CFAP46: variants seen among roughly 807,000 people sequenced by gnomAD.
The protein encoded by CFAP46 is cilia and flagella associated protein 46.
Under a neutral mutation model 325.7 loss-of-function variants are expected in CFAP46, and 245 were observed. The ratio of observed to expected loss-of-function variants is 0.75; its 90% confidence interval spans 0.68 to 0.84. CFAP46 has a LOEUF of 0.84. CFAP46 is among the 40% of genes least tolerant of loss of function. The pLI, the probability that CFAP46 is intolerant of heterozygous loss-of-function variation, is 0.00. For missense variants in CFAP46, 3,346 were observed against 3,543.0 expected, an observed-to-expected ratio of 0.94 and a Z score of 1.41; for synonymous variants, 1,523 against 1,495.9, an observed-to-expected ratio of 1.02 and a Z score of -0.42.
chr10:132,837,018 G>A (rs1362212669), intron 44 of CFAP46, 104 bp from the exon 45 acceptor site: 1 of 912,216 alleles, frequency 1.1e-6, no homozygotes, highest in East Asian at 2.5e-5. Context: ...GCCACGGCGG[G>A]GGCTTTGTAC....
At chr10:132,940,490 C>A (rs557215166) in intron 4 of CFAP46, among the ~76,000 whole-genome samples, 29 of 152,302 alleles carry the variant, frequency 1.9e-4, no homozygotes, top group Non-Finnish European at 3.2e-4. Context: ...CGCTAGGGAG[C>A]AGCAAAGGCA....
Position 132,869,329 on chromosome 10 carries a change from C to A in CFAP46, c.4555G>T (p.Ala1519Ser). 3 of 1,538,480 alleles carry A rather than the reference C, an allele frequency of 1.9e-6. No individual in the cohort carries two copies. Among genetic ancestry groups the A allele is most frequent in the Middle Eastern group, 1.8e-4 (1 of 5,670 alleles). The change falls in exon 33 of 58, where the codon GCG (alanine) becomes TCG (serine). Residue 1519 changes from alanine to serine, a missense_variant. By Grantham distance (99) the Ala-to-Ser change is moderately conservative (BLOSUM62 1). Transcript: ENST00000368586. The surrounding 1 kb of genome is among the most constrained non-coding windows in gnomAD (Gnocchi z 6.2). Reference protein sequence around the residue: ...CSELKLREAAARHEEAVGQVC... With the variant: ...CSELKLREAASRHEEAVGQVC... ...TGCCCGACCGCCTCTTCATGGCGCG[C>A]GGCTGCTTCTCTCAGCTTCAGCTCG... is the stretch of plus-strand genomic sequence containing the variant.
rs1218917683 is a variant in CFAP46, at chr10:132,869,038, G to A, written c.4610+236C>T. Among the ~76,000 whole-genome samples the A allele has an allele frequency of 6.6e-6, 1 of 152,180 alleles. No individual in the cohort carries two copies. Among genetic ancestry groups the A allele is most frequent in the Non-Finnish European group, 1.5e-5 (1 of 68,026 alleles). On this transcript the variant is annotated intron_variant, in intron 33 of 57. Coordinates refer to ENST00000368586, the MANE Select transcript of CFAP46 (RefSeq NM_001200049.3). The surrounding 1 kb of genome is among the most constrained non-coding windows in gnomAD (Gnocchi z 6.2). ...CTTTCTGTCCTCCGGGGAGGGGCTC[G>A]GGCCACCCTGGAGAGCCCCCCTCAC...
chr10:132,904,242 C>G (rs905126502), intron 22 of CFAP46, among the ~76,000 whole-genome samples: 2 of 152,246 alleles, frequency 1.3e-5, no homozygotes, highest in Non-Finnish European at 2.9e-5. Context: ...GCCTGTGGCT[C>G]TGACAGTGAC....
At position 132,869,260 on chromosome 10, in the gene CFAP46, G is replaced by A. The variant is rs1260800939; in HGVS notation, c.4610+14C>T. ...ACTCAAACCCCAGGCGGCGCAGGGTGGGACGGCACACACCTGGCCTGCTCC... is the reference window on the plus strand; with the variant it reads ...ACTCAAACCCCAGGCGGCGCAGGGTAGGACGGCACACACCTGGCCTGCTCC... On this transcript the variant is annotated intron_variant, in intron 33 of 57. Coordinates refer to ENST00000368586, the MANE Select transcript of CFAP46 (RefSeq NM_001200049.3). The surrounding 1 kb of genome is among the most constrained non-coding windows in gnomAD (Gnocchi z 6.2). The A allele has an allele frequency of 1.2e-5, 18 of 1,516,042 alleles. No homozygotes were observed. The highest frequency in any genetic ancestry group is 1.6e-5 in the Non-Finnish European group (18 of 1,128,700). 93.9% of individuals were successfully genotyped at this position (1,516,042 alleles called of 1,614,324 possible). A position where few individuals can be genotyped will look rare whatever the true frequency, so the allele number is the denominator to read the frequency against.
chr10:132,834,529 G>A, intron 48 of CFAP46, 125 bp downstream of exon 48: 10 of 1,356,430 alleles, frequency 7.4e-6, no homozygotes, highest in Non-Finnish European at 9.9e-6. Context: ...CAGGCAGGCG[G>A]CGCCGAGTCC....
intron 55 of CFAP46, among the ~76,000 whole-genome samples, chr10:132,811,672 G>A (rs1339406972): frequency 6.6e-6 from 1 of 152,234 alleles, no homozygotes; most frequent in Non-Finnish European, 1.5e-5. Flanking sequence ...GGCTGCTGGG[G>A]AGTTGGGGGA....
chr10:132,853,127 G>A (rs1182920883), intron 39 of CFAP46, among the ~76,000 whole-genome samples: 4 of 152,100 alleles, frequency 2.6e-5, no homozygotes, highest in South Asian at 2.1e-4. Context: ...CCTCGTCTTC[G>A]TCCTTATCGA....
Position 132,879,526 on chromosome 10 carries a change from G to A in CFAP46, c.3905C>T (p.Ala1302Val), listed in dbSNP as rs1467828867. The A allele has an allele frequency of 1.9e-6, 3 of 1,547,248 alleles. No individual in the cohort carries two copies. In the South Asian group the frequency reaches 3.6e-5, roughly 18 times the overall value. The stretch of plus-strand genomic sequence containing the variant: ...CAGGGCCAGCAGGATGTGCACGCGG[G>A]CCAGCGCCTCCAGCTGCCGCACGCT... ...LRSVRQLEAL[A>V]RVHILLALVL... The change falls in exon 29 of 58, where the codon GCC becomes GTC. Residue 1302 changes from alanine (A) to valine (V), a missense_variant. Coordinates refer to ENST00000368586, the MANE Select transcript of CFAP46 (RefSeq NM_001200049.3).
rs1301403873 is a variant in CFAP46, at chr10:132,833,444, G to A, written c.7031C>T (p.Ser2344Phe). 16 of 1,614,064 alleles carry A rather than the reference G, an allele frequency of 9.9e-6. No individual in the cohort carries two copies. The highest frequency in any genetic ancestry group is 1.4e-5 in the Non-Finnish European group (16 of 1,180,048). ...HLLELPLEGL[S>F]VFDEGTISSV... The stretch of plus-strand genomic sequence containing the variant: ...GGAAATTGTCCCTTCATCGAACACA[G>A]AGAGACCTTCCAGTGGCAGCTCCAG... Residue 2344 changes from serine to phenylalanine, a missense_variant, in exon 50 of 58, where the codon TCT becomes TTT. Coordinates refer to ENST00000368586, the MANE Select transcript of CFAP46 (RefSeq NM_001200049.3).
chr10:132,845,242 T>C (rs60678278), intron 44 of CFAP46, among the ~76,000 whole-genome samples: 4 of 152,146 alleles, frequency 2.6e-5, no homozygotes, highest in African/African-American at 9.7e-5. Context: ...CCACCCTCTG[T>C]CCTCTCAGCT....
In CFAP46 at chr10:132,879,599, T is replaced by C. The variant is rs1179027106; in HGVS notation, c.3832A>G (p.Ser1278Gly). ...GCCTCCTCGGCCTCGGACACGGGGCTCCGTGGGGGCATCTCCACAGCCACG... is the reference window on the plus strand; with the variant it reads ...GCCTCCTCGGCCTCGGACACGGGGCCCCGTGGGGGCATCTCCACAGCCACG... ...EYVAVEMPPR[S>G]PVSEAEEAVS... Residue 1278 changes from serine to glycine, a missense_variant, in exon 29 of 58, where the codon AGC becomes GGC. Physicochemically the swap from Ser to Gly is moderately conservative, Grantham distance 56 (BLOSUM62 0). Transcript: ENST00000368586. 6.5e-7 allele frequency: 1 copy of C among 1,544,074 alleles called. No homozygotes were observed. Among genetic ancestry groups the C allele is most frequent in the Non-Finnish European group, 8.7e-7 (1 of 1,144,722 alleles).
rs983822912 is a variant in CFAP46, at chr10:132,828,054, G to A, written c.7117+5304C>T. Among the ~76,000 whole-genome samples the A allele has an allele frequency of 2.6e-5, 4 of 152,170 alleles. No individual in the cohort carries two copies. The highest frequency in any genetic ancestry group is 4.4e-5 in the Non-Finnish European group (3 of 68,036). On this transcript the variant is annotated intron_variant, in intron 50 of 57. Coordinates refer to ENST00000368586, the MANE Select transcript of CFAP46 (RefSeq NM_001200049.3). The surrounding 1 kb of genome is among the most constrained non-coding windows in gnomAD (Gnocchi z 4.9). ...TCATTGCCGGGCAGGACCCCACCACGTGGCCGCACCCCAATGTGCTCATCG... is the reference window on the plus strand; with the variant it reads ...TCATTGCCGGGCAGGACCCCACCACATGGCCGCACCCCAATGTGCTCATCG...
intron 57 of CFAP46, among the ~76,000 whole-genome samples, chr10:132,810,158 G>A (rs1386193727): frequency 2.6e-5 from 4 of 152,336 alleles, no homozygotes; most frequent in South Asian, 2.1e-4. Flanking sequence ...CTGGAGCCAC[G>A]TGGCACTGTG....
In CFAP46 at chr10:132,869,389, C is replaced by T. The variant is rs1848865150; in HGVS notation, c.4512-17G>A. 11 of 1,513,286 alleles carry T rather than the reference C, an allele frequency of 7.3e-6. No individual in the cohort carries two copies. The highest frequency in any genetic ancestry group is 1.7e-4 in the Middle Eastern group (1 of 5,920). The allele number at this position is 1,513,286 out of a possible 1,614,324, so 93.7% of individuals were successfully genotyped here. Reference sequence around the variant, plus strand: ...TGGGCGAGGCTGTGGGGAGTGTGGCCGAAAGAGTCAGTGTTGCACGGGCGC... The same window carrying T: ...TGGGCGAGGCTGTGGGGAGTGTGGCTGAAAGAGTCAGTGTTGCACGGGCGC... On this transcript the variant is annotated splice_polypyrimidine_tract_variant and intron_variant, in intron 32 of 57. Coordinates refer to ENST00000368586, the MANE Select transcript of CFAP46 (RefSeq NM_001200049.3). This position sits in a 1 kb window ranked among gnomAD's most constrained non-coding sequence, Gnocchi z 6.2.
intron 22 of CFAP46, among the ~76,000 whole-genome samples, chr10:132,903,982 G>A (rs1267058413): frequency 1.3e-5 from 2 of 152,166 alleles, no homozygotes; most frequent in Non-Finnish European, 1.5e-5. Context: ...AGTCACAATT[G>A]AGAATATGAA....
In CFAP46 at chr10:132,937,020, C is replaced by A. The variant is rs1386261112; in HGVS notation, c.696G>T (p.Lys232Asn). 2 of 1,531,488 alleles carry A rather than the reference C, an allele frequency of 1.3e-6. No homozygotes were observed. Among genetic ancestry groups the A allele is most frequent in the Non-Finnish European group, 1.8e-6 (2 of 1,128,556 alleles). 94.9% of individuals were successfully genotyped at this position (1,531,488 alleles called of 1,614,324 possible). Residue 232 changes from lysine (K) to asparagine (N), a missense_variant, in exon 7 of 58, where the codon AAG becomes AAT. Transcript: ENST00000368586. ...RHELMDELQL[K>N]EEKKNSISLS... ...GGCTAATGGAATTTTTCTTTTCTTCCTTTAACTGAAGTTCGTCCATTAATT... is the reference window on the plus strand; with the variant it reads ...GGCTAATGGAATTTTTCTTTTCTTCATTTAACTGAAGTTCGTCCATTAATT...
At chr10:132,825,327 G>C (rs1472786771) in intron 50 of CFAP46, among the ~76,000 whole-genome samples, 1 of 152,176 alleles carries the variant, frequency 6.6e-6, no homozygotes, top group Non-Finnish European at 1.5e-5. Context: ...GTGCACTGAT[G>C]TGTGCTGTGT....
rs1291008855 is a variant in CFAP46, at chr10:132,886,556, G to A, written c.3305-597C>T. Among the ~76,000 whole-genome samples the A allele has an allele frequency of 1.3e-5, 2 of 152,192 alleles. No individual in the cohort carries two copies. The highest frequency in any genetic ancestry group is 1.9e-4 in the East Asian group (1 of 5,194). Reference sequence around the variant, plus strand: ...GGGCCATCAGTGCCCCCAAATGCACGAAGCCAGCAGGGTGGATCCTGGTGG... The same window carrying A: ...GGGCCATCAGTGCCCCCAAATGCACAAAGCCAGCAGGGTGGATCCTGGTGG... On this transcript the variant is annotated intron_variant, in intron 25 of 57. Coordinates refer to ENST00000368586, the MANE Select transcript of CFAP46 (RefSeq NM_001200049.3). This position sits in a 1 kb window ranked among gnomAD's most constrained non-coding sequence, Gnocchi z 5.8.
Sources: gnomAD v4.1 joint callset for allele counts (sites outside exome capture counted in the v4.1 genomes callset) on GRCh38, gnomAD v4.1.1 for gene constraint, Gnocchi (gnomAD v3.1) non-coding constraint, MANE v1.5 for transcripts, NCBI Gene and HGNC (gene_info 2026-07-23, HGNC 2026-07-21) for gene names.